PEX5L: variants seen among roughly 807,000 people sequenced by gnomAD.
PEX5L encodes the protein PEX5-related protein.
A neutral mutation model predicts 84.0 loss-of-function variants in PEX5L; 30 were observed. The ratio of observed to expected loss-of-function variants is 0.36; its 90% CI spans 0.27 to 0.48. The LOEUF (loss-of-function observed/expected upper bound fraction) is 0.48, where lower values mean the gene tolerates loss of function less well. Ranked by LOEUF, PEX5L falls within the 20% of genes least tolerant of loss-of-function variation. The probability of loss-of-function intolerance (pLI) is 0.99; values close to 1 mark genes in which losing one functional copy is unlikely to be tolerated. For synonymous variants in PEX5L, 270 were observed against 283.1 expected, an observed-to-expected ratio of 0.95 and a Z score of 0.46; for missense variants, 533 against 754.6, an observed-to-expected ratio of 0.71 and a Z score of 3.44.
intron 8 of PEX5L, among the ~76,000 whole-genome samples, chr3:179,825,808 T>C (rs1195427560): frequency 1.3e-5 from 2 of 152,192 alleles, no homozygotes; most frequent in Non-Finnish European, 2.9e-5. Context: ...AGCGAAACAA[T>C]GTATGTGAAG....
chr3:179,866,919 G>A (rs530637125), intron 7 of PEX5L, among the ~76,000 whole-genome samples: 3 of 151,296 alleles, frequency 2.0e-5, no homozygotes, highest in Non-Finnish European at 4.4e-5. Context: ...CCAGCTACTC[G>A]GGAGGCTGAG....
rs112855376 is a variant in PEX5L at position 179,958,022 on chromosome 3, C to T, written c.93+13572G>A. On this transcript the variant is annotated intron_variant, in intron 2 of 14. Transcript: ENST00000467460. ...CTTTTCTCTATTTCTTCTCTCTCTCCCTCTCACACACATACACACACACAT... is the reference window on the plus strand; with the variant it reads ...CTTTTCTCTATTTCTTCTCTCTCTCTCTCTCACACACATACACACACACAT... 2.1e-4 allele frequency among the ~76,000 whole-genome samples: 32 copies of T among 152,082 alleles called. 1 individual carries two copies. The highest frequency in any genetic ancestry group is 7.2e-4 in the Admixed American group (11 of 15,270).
chr3:179,874,650 T>G (rs1035657100), intron 6 of PEX5L, among the ~76,000 whole-genome samples: 1 of 151,006 alleles, frequency 6.6e-6, no homozygotes. Flanking sequence ...AAAAATTCAG[T>G]TCGATTATGG....
At chr3:179,995,947 AC>A (rs1428062432) in intron 1 of PEX5L, among the ~76,000 whole-genome samples, 1 of 152,124 alleles carries the variant, frequency 6.6e-6, no homozygotes, top group Non-Finnish European at 1.5e-5. Context: ...ATTCTGATGA[AC>A]CTTTTTTGCC....
chr3:179,836,090 A>C (rs1444406837), intron 8 of PEX5L, among the ~76,000 whole-genome samples: 1 of 152,288 alleles, frequency 6.6e-6, no homozygotes, highest in African/African-American at 2.4e-5. Context: ...ACTTCAGTAT[A>C]TCTTATTTTA....
intron 1 of PEX5L, among the ~76,000 whole-genome samples, chr3:180,001,754 C>T (rs1053793546): frequency 2.0e-5 from 3 of 152,030 alleles, no homozygotes; most frequent in East Asian, 1.9e-4. Flanking sequence ...ATCATATGTG[C>T]TATTTTTATA....
intron 2 of PEX5L, among the ~76,000 whole-genome samples, chr3:179,953,010 C>T (rs1779519078): frequency 6.6e-6 from 1 of 152,098 alleles, no homozygotes; most frequent in Non-Finnish European, 1.5e-5. Flanking sequence ...GAAAGGATTC[C>T]CTATTTAATA....
At chr3:179,914,138 T>C (rs1766162200) in intron 2 of PEX5L, among the ~76,000 whole-genome samples, 1 of 152,198 alleles carries the variant, frequency 6.6e-6, no homozygotes, top group South Asian at 2.1e-4. Context: ...GCTCTTAGAA[T>C]GTCAGTCTTA....
intron 14 of PEX5L, among the ~76,000 whole-genome samples, chr3:179,805,661 C>T (rs970734093): frequency 3.3e-5 from 5 of 152,140 alleles, no homozygotes; most frequent in Non-Finnish European, 5.9e-5. Context: ...TTGGAAAATA[C>T]TTACACTAAA....
At chr3:180,034,327 T>A (rs939825) in intron 1 of PEX5L, among the ~76,000 whole-genome samples, 31,919 of 152,144 alleles carry the variant, frequency 0.21, 3,901 homozygotes, top group African/African-American at 0.35. Context: ...AATCTGCTTA[T>A]CCCTGGTCCA....
rs1362486237 is a variant in PEX5L at position 179,801,039 on chromosome 3, ACTT to A, written c.*786_*788del. On this transcript the variant is annotated 3_prime_UTR_variant, in exon 15 of 15. Coordinates refer to ENST00000467460, the MANE Select transcript of PEX5L (RefSeq NM_016559.3). ...TCATCGTATCTGCTTTAAGAAAAAC[ACTT>A]CTTCAAAATCCTACACTATGAAAAA... 3.9e-5 allele frequency: 6 copies of A among 152,610 alleles called. No homozygotes were observed. Among genetic ancestry groups the A allele is most frequent in the African/African-American group, 9.7e-5 (4 of 41,428 alleles). The allele number at this position is 152,610 out of a possible 1,614,324, so 9.5% of individuals were successfully genotyped here.
At chr3:180,002,640 T>C (rs1275023913) in intron 1 of PEX5L, among the ~76,000 whole-genome samples, 1 of 152,120 alleles carries the variant, frequency 6.6e-6, no homozygotes, top group Admixed American at 6.5e-5. Context: ...TTGTAAATAT[T>C]TGTCCAAACC....
intron 4 of PEX5L, among the ~76,000 whole-genome samples, chr3:179,886,084 T>C (rs1755764020): frequency 6.6e-6 from 1 of 152,240 alleles, no homozygotes; most frequent in South Asian, 2.1e-4. Context: ...AAATCTTATA[T>C]TGCTCTCTCA....
chr3:179,922,396 C>T (rs2109424211), intron 2 of PEX5L, among the ~76,000 whole-genome samples: 2 of 151,742 alleles, frequency 1.3e-5, no homozygotes, highest in Admixed American at 1.3e-4. Context: ...AGGAAGATAG[C>T]TTTCTCCTGA....
rs1335865420 is a variant in PEX5L, at chr3:179,800,625, C to G, written c.*1203G>C. ...CTAAATGTTCAAAGAGCCAAAGAGG[C>G]ATGCATCTTTCATATGAAATCACTG... is the stretch of plus-strand genomic sequence containing the variant. On this transcript the variant is annotated 3_prime_UTR_variant, in exon 15 of 15. Coordinates refer to ENST00000467460, the MANE Select transcript of PEX5L (RefSeq NM_016559.3). The G allele has an allele frequency of 6.6e-6, 1 of 152,170 alleles. No homozygotes were observed. Among genetic ancestry groups the G allele is most frequent in the Non-Finnish European group, 1.5e-5 (1 of 68,046 alleles). The allele number at this position is 152,170 out of a possible 1,614,324, so 9.4% of individuals were successfully genotyped here.
chr3:179,821,793 A>C (rs1377162494), intron 8 of PEX5L, among the ~76,000 whole-genome samples: 5 of 152,238 alleles, frequency 3.3e-5, no homozygotes, highest in Non-Finnish European at 5.9e-5. Context: ...GAATGATCTC[A>C]AATATACAAT....
At chr3:179,805,146 CTTT>C (rs777171015) in intron 14 of PEX5L, among the ~76,000 whole-genome samples, 4 of 86,460 alleles carry the variant, frequency 4.6e-5, no homozygotes, top group East Asian at 7.0e-4. Context: ...ACTCGATGGT[CTTT>C]TTTTTTTTTT....
At chr3:179,826,678 GAA>G (rs1730628931) in intron 8 of PEX5L, among the ~76,000 whole-genome samples, 2 of 152,122 alleles carry the variant, frequency 1.3e-5, no homozygotes, top group Admixed American at 6.5e-5. Context: ...GTTATGTGAT[GAA>G]AAAAGCCAGC....
chr3:179,871,649 A>AG (rs1305270622), intron 7 of PEX5L, among the ~76,000 whole-genome samples: 1 of 152,180 alleles, frequency 6.6e-6, no homozygotes, highest in Non-Finnish European at 1.5e-5. Flanking sequence ...GGCTGATCAA[A>AG]GGGGGGCAAT....
Sources: gnomAD v4.1 joint callset for allele counts (sites outside exome capture counted in the v4.1 genomes callset) on GRCh38, gnomAD v4.1.1 for gene constraint, MANE v1.5 for transcripts, NCBI Gene and HGNC (gene_info 2026-07-23, HGNC 2026-07-21) for gene names.